Variants in CDC20 observed in about 807,000 individuals in gnomAD.
CDC20 encodes cell division cycle protein 20 homolog.
In CDC20, 34 loss-of-function variants were observed where a neutral mutation model predicts 60.0. The ratio of observed to expected loss-of-function variants is 0.57; its 90% CI spans 0.43 to 0.75. The LOEUF (loss-of-function observed/expected upper bound fraction) is 0.75. CDC20 is among the 30% of genes least tolerant of loss of function. The pLI, the probability that CDC20 is intolerant of heterozygous loss-of-function variation, is 0.00. For synonymous variants in CDC20, 198 were observed against 243.5 expected (o/e 0.81, Z 1.74); for missense variants, 469 against 647.3 (o/e 0.72, Z 2.99).
At position 43,361,135 on chromosome 1, in the gene CDC20, C is replaced by A. The variant is rs1313097986; in HGVS notation, c.1093C>A (p.Pro365Thr). Residue 365 changes from proline (P) to threonine (T), a missense_variant, in exon 9 of 11, where the codon CCC (proline) becomes ACC (threonine). Physicochemically the swap from Pro to Thr is conservative, Grantham distance 38 (BLOSUM62 -1). Transcript: ENST00000310955. ...TTCCATCTAGGCCGTAGCATGGTGTCCCTGGCAGTCCAATGTCCTGGCAAC... is the reference window on the plus strand; with the variant it reads ...TTCCATCTAGGCCGTAGCATGGTGTACCTGGCAGTCCAATGTCCTGGCAAC... ...QGAVKAVAWCPWQSNVLATGG... is the reference protein window; with the variant it reads ...QGAVKAVAWCTWQSNVLATGG... 10 of 1,614,094 alleles carry A rather than the reference C, an allele frequency of 6.2e-6. No individual in the cohort carries two copies. Among genetic ancestry groups the A allele is most frequent in the Non-Finnish European group, 7.6e-6 (9 of 1,180,012 alleles).
rs1414661384 is a variant in CDC20 at position 43,361,115 on chromosome 1, T to G, written c.1078-5T>G. On this transcript the variant is annotated splice_region_variant and splice_polypyrimidine_tract_variant and intron_variant, in intron 8 of 10. Coordinates refer to ENST00000310955, the MANE Select transcript of CDC20 (RefSeq NM_001255.3). ...ACCTGCTGACCCCACCTTTATTCCA[T>G]CTAGGCCGTAGCATGGTGTCCCTGG... The G allele has an allele frequency of 1.1e-5, 18 of 1,613,892 alleles. No individual in the cohort carries two copies. Among genetic ancestry groups the G allele is most frequent in the Non-Finnish European group, 1.4e-5 (16 of 1,179,982 alleles).
chr1:43,359,767 G>A lies in CDC20; in HGVS notation c.373G>A (p.Val125Ile). The A allele has an allele frequency of 6.2e-7, 1 of 1,613,950 alleles. No homozygotes were observed. Among genetic ancestry groups the A allele is most frequent in the South Asian group, 1.1e-5 (1 of 91,088 alleles). The change falls in exon 4 of 11, where the codon GTA becomes ATA. Residue 125 changes from valine to isoleucine, a missense_variant. Transcript: ENST00000310955. ...AWALNLNGFD[V>I]EEAKILRLSG... ...GGCTTTGAACCTGAACGGTTTTGAT[G>A]TAGAGGAAGCCAAGATCCTTCGGCT...
rs768351760 is a variant in CDC20, at chr1:43,359,165, A to G, written c.-49-2A>G. On this transcript the variant is annotated splice_acceptor_variant, in intron 1 of 10. Coordinates refer to ENST00000310955, the MANE Select transcript of CDC20 (RefSeq NM_001255.3). LOFTEE classifies it low-confidence loss of function (5UTR_SPLICE). The stretch of plus-strand genomic sequence containing the variant: ...TGAGCACCGTCGCCTCCTTTCCTCC[A>G]GGGCTCCGTAGGCACCAACTGCAAG... 4 of 1,595,762 alleles carry G rather than the reference A, an allele frequency of 2.5e-6. No homozygotes were observed. The African/African-American group carries it at 5.4e-5, about 21-fold the overall frequency.
At chr1:43,359,063 A>C in intron 1 of CDC20, 57 bp downstream of exon 1, 1 of 735,874 alleles carries the variant, frequency 1.4e-6, no homozygotes, top group Non-Finnish European at 2.3e-6. Context: ...AGGGGGTGCT[A>C]GGCCGGAAGG....
intron 10 of CDC20, among the ~76,000 whole-genome samples, chr1:43,362,659 T>TA (rs1274886260): frequency 6.6e-6 from 1 of 151,932 alleles, no homozygotes; most frequent in African/African-American, 2.4e-5. Context: ...GGTCAGGAGA[T>TA]AGAGACAATC....
intron 10 of CDC20, 41 bp downstream of exon 10, chr1:43,362,353 A>G (rs746679971): frequency 1.2e-6 from 1 of 846,162 alleles, no homozygotes; most frequent in East Asian, 2.4e-5. Flanking sequence ...AAGGCCACAT[A>G]ATGTATGACT....
rs778393184 is a variant in CDC20, at chr1:43,359,663, G to A, written c.330+25G>A. 18 of 1,613,834 alleles carry A rather than the reference G, an allele frequency of 1.1e-5. No homozygotes were observed. The South Asian group carries it at 2.0e-4, about 18-fold the overall frequency. ...GGTATGTGTCCCAGAGGGGCTTAAG[G>A]CACGGGACCTGACTGTTCTTTGGAT... is the stretch of plus-strand genomic sequence containing the variant. On this transcript the variant is annotated intron_variant, in intron 3 of 10. Coordinates refer to ENST00000310955, the MANE Select transcript of CDC20 (RefSeq NM_001255.3).
In CDC20 at chr1:43,360,309, C is replaced by A. The variant is rs1434451593; in HGVS notation, c.673C>A (p.Pro225Thr). 1 of 1,614,218 alleles carries A rather than the reference C, an allele frequency of 6.2e-7. No individual in the cohort carries two copies. The highest frequency in any genetic ancestry group is 1.1e-5 in the South Asian group (1 of 91,082). Residue 225 changes from proline to threonine, a missense_variant, in exon 6 of 11, where the codon CCT becomes ACT. By Grantham distance (38) the Pro-to-Thr change is conservative (BLOSUM62 -1). This residue lies in a region of CDC20 where 255 missense variants were observed against 326.7 expected (regional missense o/e 0.78). Coordinates refer to ENST00000310955, the MANE Select transcript of CDC20 (RefSeq NM_001255.3). Reference sequence around the variant, plus strand: ...CCTGCAGCTTTTGCAAATGGAGCAGCCTGGGGAATATATATCCTCTGTGGC... The same window carrying A: ...CCTGCAGCTTTTGCAAATGGAGCAGACTGGGGAATATATATCCTCTGTGGC... ...DILQLLQMEQ[P>T]GEYISSVAWI...
chr1:43,362,588 G>C (rs1161888058), intron 10 of CDC20, among the ~76,000 whole-genome samples: 1 of 152,238 alleles, frequency 6.6e-6, no homozygotes, highest in Non-Finnish European at 1.5e-5. Flanking sequence ...GAGGAGGCCA[G>C]GCACGGTGGC....
chr1:43,363,189 T>A lies in CDC20; in HGVS notation c.*60T>A, dbSNP rs1009498445. ...TCTAATAAAGTCATGTCTCCCTTCA[T>A]GTTTTTTTTTTAAATCTGTTTCAGC... On this transcript the variant is annotated 3_prime_UTR_variant, in exon 11 of 11. Transcript: ENST00000310955. The A allele has an allele frequency of 6.6e-7, 1 of 1,516,182 alleles. No homozygotes were observed. Among genetic ancestry groups the A allele is most frequent in the African/African-American group, 1.4e-5 (1 of 71,336 alleles). 93.9% of individuals were successfully genotyped at this position (1,516,182 alleles called of 1,614,324 possible).
chr1:43,361,806 T>C (rs1030702171), intron 9 of CDC20, among the ~76,000 whole-genome samples: 2 of 152,176 alleles, frequency 1.3e-5, no homozygotes, highest in African/African-American at 4.8e-5. Context: ...CTTGAGGCTC[T>C]CTCCTTCCAC....
rs1647169426 is a variant in CDC20, at chr1:43,360,817, A to T, written c.933A>T (p.Glu311Asp). The T allele has an allele frequency of 6.2e-7, 1 of 1,613,936 alleles. No homozygotes were observed. Among genetic ancestry groups the T allele is most frequent in the South Asian group, 1.1e-5 (1 of 91,084 alleles). Reference sequence around the variant, plus strand: ...CCACACTGAGTGGCCACAGCCAGGAAGTGTGTGGGCTGCGCTGGGCCCCAG... The same window carrying T: ...CCACACTGAGTGGCCACAGCCAGGATGTGTGTGGGCTGCGCTGGGCCCCAG... ...HVATLSGHSQ[E>D]VCGLRWAPDG... Residue 311 changes from glutamate (E) to aspartate (D), a missense_variant, in exon 8 of 11, where the codon GAA (glutamate) becomes GAT (aspartate). Glu to Asp is a conservative substitution (Grantham distance 45). This residue lies in a region of CDC20 where 255 missense variants were observed against 326.7 expected (regional missense o/e 0.78). Coordinates refer to ENST00000310955, the MANE Select transcript of CDC20 (RefSeq NM_001255.3).
At chr1:43,361,066 T>G in intron 8 of CDC20, 54 bp from the exon 9 acceptor site, 1 of 1,612,682 alleles carries the variant, frequency 6.2e-7, no homozygotes, top group South Asian at 1.1e-5. Flanking sequence ...CTGTGACCCC[T>G]AGAGCTCCTT....
At position 43,360,940 on chromosome 1, in the gene CDC20, C is replaced by T; in HGVS notation, c.1056C>T (p.Thr352=). The part of the protein sequence containing the change: ...EGGWVPLQTF[T]QHQGAVKAVA... The stretch of plus-strand genomic sequence containing the variant: ...GCTGGGTTCCTCTGCAGACATTCAC[C>T]CAGCATCAAGGGGCTGTCAAGGTGA... Residue 352 remains threonine, a synonymous_variant, in exon 8 of 11, where the codon ACC becomes ACT. Transcript: ENST00000310955. 6.2e-7 allele frequency: 1 copy of T among 1,613,874 alleles called. No homozygotes were observed. Among genetic ancestry groups the T allele is most frequent in the Non-Finnish European group, 8.5e-7 (1 of 1,179,822 alleles).
Position 43,359,820 on chromosome 1 carries a change from G to C in CDC20, c.426G>C (p.Glu142Asp), listed in dbSNP as rs1647163001. Residue 142 changes from glutamate (E) to aspartate (D), a missense_variant and splice_region_variant, in exon 4 of 11, where the codon GAG becomes GAC. Glu to Asp is a conservative substitution (Grantham distance 45). Transcript: ENST00000310955. ...RLSGKPQNAP[E>D]GYQNRLKVLY... is the part of the protein sequence containing the mutation. ...GTGGAAAACCACAAAATGCGCCAGA[G>C]GGTAAGACCCGAAGTTCCTGGTTCC... The C allele has an allele frequency of 6.2e-7, 1 of 1,613,736 alleles. No individual in the cohort carries two copies. The highest frequency in any genetic ancestry group is 1.3e-5 in the African/African-American group (1 of 74,936).
rs764216014 is a variant in CDC20, at chr1:43,360,346, A to G, written c.710A>G (p.Glu237Gly). 1.3e-5 allele frequency: 21 copies of G among 1,614,208 alleles called. No individual in the cohort carries two copies. The highest frequency in any genetic ancestry group is 1.5e-5 in the Non-Finnish European group (18 of 1,180,042). The change falls in exon 6 of 11, where the codon GAG (glutamate) becomes GGG (glycine). Residue 237 changes from glutamate (E) to glycine (G), a missense_variant. Coordinates refer to ENST00000310955, the MANE Select transcript of CDC20 (RefSeq NM_001255.3). Reference sequence around the variant, plus strand: ...ATATCCTCTGTGGCCTGGATCAAAGAGGGCAACTACTTGGCTGTGGGCACC... The same window carrying G: ...ATATCCTCTGTGGCCTGGATCAAAGGGGGCAACTACTTGGCTGTGGGCACC... Reference protein sequence around the residue: ...EYISSVAWIKEGNYLAVGTSS... With the variant: ...EYISSVAWIKGGNYLAVGTSS...
Position 43,359,818 on chromosome 1 carries a change from G to A in CDC20, c.424G>A (p.Glu142Lys), listed in dbSNP as rs146697135. Reference protein sequence around the residue: ...RLSGKPQNAPEGYQNRLKVLY... With the variant: ...RLSGKPQNAPKGYQNRLKVLY... ...CAGTGGAAAACCACAAAATGCGCCA[G>A]AGGGTAAGACCCGAAGTTCCTGGTT... Residue 142 changes from glutamate (E) to lysine (K), a missense_variant, in exon 4 of 11, where the codon GAG becomes AAG. Transcript: ENST00000310955. 1.1e-5 allele frequency: 18 copies of A among 1,613,782 alleles called. No homozygotes were observed. The highest frequency in any genetic ancestry group is 1.5e-5 in the Non-Finnish European group (18 of 1,180,006).
In CDC20 at chr1:43,360,190, C is replaced by A; in HGVS notation, c.557-3C>A. ...CTCATGCTCTTCTCTCCACCTCTGA[C>A]AGACCTGAACCTTGTGGATTGGAGT... is the stretch of plus-strand genomic sequence containing the variant. On this transcript the variant is annotated splice_region_variant and splice_polypyrimidine_tract_variant and intron_variant, in intron 5 of 10. Transcript: ENST00000310955. 1.2e-6 allele frequency: 2 copies of A among 1,614,042 alleles called. No individual in the cohort carries two copies. The highest frequency in any genetic ancestry group is 8.5e-7 in the Non-Finnish European group (1 of 1,179,916).
At position 43,359,713 on chromosome 1, in the gene CDC20, C is replaced by A. The variant is rs1647162118; in HGVS notation, c.331-12C>A. The A allele has an allele frequency of 6.2e-7, 1 of 1,613,674 alleles. No homozygotes were observed. The highest frequency in any genetic ancestry group is 1.3e-5 in the African/African-American group (1 of 74,874). On this transcript the variant is annotated splice_polypyrimidine_tract_variant and intron_variant, in intron 3 of 10. Transcript: ENST00000310955. ...TAATACCATCTTGCTCCTTCACTAC[C>A]CTTTATGCCAGGAACATCAGAAAGC... is the stretch of plus-strand genomic sequence containing the variant.
Sources: gnomAD v4.1 joint callset for allele counts (sites outside exome capture counted in the v4.1 genomes callset) on GRCh38, gnomAD v4.1.1 for gene constraint, gnomAD v4.1.1 regional missense constraint, MANE v1.5 for transcripts, NCBI Gene and HGNC (gene_info 2026-07-23, HGNC 2026-07-21) for gene names.